Variants in SRPK1 observed in about 807,000 individuals in gnomAD.
SRPK1 encodes SFRS protein kinase 1.
In SRPK1, 52 loss-of-function variants were observed where a neutral mutation model predicts 89.5. The observed-to-expected ratio is 0.58, with a 90% CI of 0.46 to 0.73. SRPK1 has a LOEUF of 0.73. Ranked by LOEUF, SRPK1 falls within the 30% of genes least tolerant of loss-of-function variation. SRPK1 has a pLI of 0.00. For missense variants in SRPK1, 603 were observed against 780.6 expected, an observed-to-expected ratio of 0.77 and a Z score of 2.71; for synonymous variants, 255 against 270.2, an observed-to-expected ratio of 0.94 and a Z score of 0.55.
At chr6:35,849,152 A>C (rs1315241988) in intron 13 of SRPK1, among the ~76,000 whole-genome samples, 4 of 152,174 alleles carry the variant, frequency 2.6e-5, no homozygotes, top group South Asian at 4.1e-4. Flanking sequence ...ACAAACAAAC[A>C]AACCCAATTA....
intron 12 of SRPK1, among the ~76,000 whole-genome samples, chr6:35,860,877 A>G (rs1403781671): frequency 6.6e-6 from 1 of 152,126 alleles, no homozygotes; most frequent in African/African-American, 2.4e-5. Flanking sequence ...GAGCTCCCTG[A>G]TAAGTGACAT....
chr6:35,852,610 C>A (rs1161929104), intron 13 of SRPK1, among the ~76,000 whole-genome samples: 2 of 152,172 alleles, frequency 1.3e-5, no homozygotes, highest in African/African-American at 4.8e-5. Context: ...GTGCATAGTG[C>A]TAGAAGTTAT....
chr6:35,871,053 TTTC>T, intron 8 of SRPK1, 94 bp from the exon 9 acceptor site: 1 of 1,016,574 alleles, frequency 9.8e-7, no homozygotes, highest in South Asian at 1.6e-5. Context: ...ATGAAAAGTC[TTTC>T]TTATGTAGTC....
In SRPK1 at chr6:35,877,879, G is replaced by A. The variant is rs548663631; in HGVS notation, c.479-3540C>T. Among the ~76,000 whole-genome samples, 8 of 151,356 alleles carry A rather than the reference G, an allele frequency of 5.3e-5. No homozygotes were observed. In the East Asian group the frequency reaches 1.2e-3, roughly 22 times the overall value. On this transcript the variant is annotated intron_variant, in intron 6 of 15. Coordinates refer to ENST00000373825, the MANE Select transcript of SRPK1 (RefSeq NM_003137.5). ...AAAGACTTGAAAATGAACTTCCAGA[G>A]ACAAAAAGTGCAATGTGAGAGATCA...
intron 3 of SRPK1, among the ~76,000 whole-genome samples, chr6:35,890,184 A>G (rs946907795): frequency 6.6e-6 from 1 of 152,130 alleles, no homozygotes; most frequent in African/African-American, 2.4e-5. Context: ...AATCGCTTGA[A>G]TCCAGGAGTC....
chr6:35,868,164 G>A (rs937441257), intron 12 of SRPK1, among the ~76,000 whole-genome samples: 9 of 151,838 alleles, frequency 5.9e-5, no homozygotes, highest in South Asian at 2.1e-4. Flanking sequence ...TAGTAGAGAC[G>A]GGATTTCTCC....
chr6:35,848,839 C>T (rs1351164948), intron 13 of SRPK1, among the ~76,000 whole-genome samples: 1 of 152,074 alleles, frequency 6.6e-6, no homozygotes, highest in Non-Finnish European at 1.5e-5. Flanking sequence ...ACTCCGAATA[C>T]AAAAATCGAA....
intron 5 of SRPK1, 53 bp from the exon 6 acceptor site, chr6:35,886,864 C>T: frequency 9.8e-7 from 1 of 1,016,368 alleles, no homozygotes; most frequent in Non-Finnish European, 1.6e-6. Context: ...GGAAATAAAC[C>T]AGATGGTAGG....
chr6:35,895,064 T>C (rs1471520485), intron 2 of SRPK1, among the ~76,000 whole-genome samples: 2 of 152,082 alleles, frequency 1.3e-5, no homozygotes, highest in African/African-American at 2.4e-5. Context: ...GAAAGTATGC[T>C]TGAGACATAC....
intron 2 of SRPK1, among the ~76,000 whole-genome samples, chr6:35,898,424 T>C (rs777113867): frequency 6.6e-6 from 1 of 152,168 alleles, no homozygotes; most frequent in Non-Finnish European, 1.5e-5. Context: ...TTGCGTAAAG[T>C]GTACACTGCT....
At chr6:35,838,309 T>A in intron 15 of SRPK1, 28 bp downstream of exon 15, 5 of 1,486,276 alleles carry the variant, frequency 3.4e-6, no homozygotes. Context: ...TTCTGCCTCC[T>A]TAATGTCTGG....
chr6:35,856,009 G>A (rs1000719446), intron 13 of SRPK1, among the ~76,000 whole-genome samples: 6 of 152,042 alleles, frequency 3.9e-5, no homozygotes, highest in Admixed American at 6.6e-5. Context: ...TTACAGGCAC[G>A]AGCCACCGTG....
chr6:35,883,256 G>T (rs1028513683), intron 6 of SRPK1, among the ~76,000 whole-genome samples: 1 of 152,152 alleles, frequency 6.6e-6, no homozygotes, highest in African/African-American at 2.4e-5. Flanking sequence ...GGGCGTGGTG[G>T]TGTGCATCTG....
At chr6:35,887,000 C>G (rs1404210657) in intron 5 of SRPK1, among the ~76,000 whole-genome samples, 189 bp from the exon 6 acceptor site, 1 of 152,158 alleles carries the variant, frequency 6.6e-6, no homozygotes, top group African/African-American at 2.4e-5. Flanking sequence ...AGAGGAAATA[C>G]AACCAACAGG....
At chr6:35,880,742 A>AAAAAAAAAAAAAAAAAAAAAAAAAGAAAG in intron 6 of SRPK1, among the ~76,000 whole-genome samples, 4 of 28,186 alleles carry the variant, frequency 1.4e-4, no homozygotes, top group Admixed American at 6.8e-4. Context: ...AAAGAAAAAA[A>AAAAAAAAAAAAAAAAAAAAAAAAAGAAAG]AAAAAAAAGA....
chr6:35,911,160 A>T (rs564238334), intron 2 of SRPK1, among the ~76,000 whole-genome samples: 32 of 152,260 alleles, frequency 2.1e-4, no homozygotes, highest in Non-Finnish European at 3.5e-4. Context: ...AACCTTCTGG[A>T]AAGGATTCAC....
At chr6:35,838,560 A>G (rs1581986742) in intron 14 of SRPK1, 131 bp from the exon 15 acceptor site, 8 of 1,369,572 alleles carry the variant, frequency 5.8e-6, no homozygotes, top group South Asian at 1.3e-5. Flanking sequence ...CTTACTTTCT[A>G]TCCTAAATGG....
chr6:35,880,646 C>T (rs1024358245), intron 6 of SRPK1, among the ~76,000 whole-genome samples: 5 of 143,686 alleles, frequency 3.5e-5, no homozygotes, highest in Admixed American at 1.4e-4. Flanking sequence ...GGCTTGAACC[C>T]GGGAGGCAGA....
intron 1 of SRPK1, 69 bp from the exon 2 acceptor site, chr6:35,920,597 C>T: frequency 6.8e-7 from 1 of 1,473,162 alleles, no homozygotes; most frequent in Non-Finnish European, 9.3e-7. Context: ...AGGGTGGAGA[C>T]CCAGCAGGGG....
Sources: allele counts gnomAD v4.1 joint callset (sites outside exome capture counted in the v4.1 genomes callset), GRCh38; gene constraint gnomAD v4.1.1; transcripts MANE v1.5; gene names NCBI Gene and HGNC (gene_info 2026-07-23, HGNC 2026-07-21).